The following PPP1CB variants were observed in gnomAD, a reference collection of about 807,000 sequenced individuals.
PPP1CB encodes the protein protein phosphatase 1 catalytic subunit beta.
A neutral mutation model predicts 43.7 loss-of-function variants in PPP1CB; 2 were observed. The ratio of observed to expected loss-of-function variants is 0.05; its 90% CI spans 0.02 to 0.14. The LOEUF (loss-of-function observed/expected upper bound fraction) is 0.14, where lower values mean the gene tolerates loss of function less well. Among genes scored for constraint, PPP1CB ranks in the 10% least tolerant of loss-of-function variants. PPP1CB has a pLI of 1.00. For missense variants in PPP1CB, 84 were observed against 398.0 expected (o/e 0.21, Z 6.71); for synonymous variants, 136 against 135.6 (o/e 1.00, Z -0.02).
chr2:28,771,854 T>C (rs925518934), intron 1 of PPP1CB, among the ~76,000 whole-genome samples: 4 of 152,166 alleles, frequency 2.6e-5, no homozygotes, highest in East Asian at 1.9e-4. Context: ...CAAAAAAAGA[T>C]TGACTAAGAT....
At chr2:28,797,751 T>A (rs995831318) in intron 7 of PPP1CB, among the ~76,000 whole-genome samples, 15 of 152,188 alleles carry the variant, frequency 9.9e-5, no homozygotes, top group Non-Finnish European at 1.2e-4. Context: ...CTATCTTGTT[T>A]ATTCTTTTGA....
intron 2 of PPP1CB, among the ~76,000 whole-genome samples, chr2:28,777,540 AC>A (rs1424105770): frequency 7.2e-5 from 11 of 152,326 alleles, no homozygotes; most frequent in African/African-American, 2.4e-4. Flanking sequence ...TGAAGATTAT[AC>A]TACTTTATAC....
Position 28,776,841 on chromosome 2 carries a change from C to T in PPP1CB, c.53-10C>T, listed in dbSNP as rs1360665709. The T allele has an allele frequency of 1.0e-5, 16 of 1,585,680 alleles. No individual in the cohort carries two copies. Among genetic ancestry groups the T allele is most frequent in the Admixed American group, 1.7e-5 (1 of 58,594 alleles). On this transcript the variant is annotated splice_polypyrimidine_tract_variant and intron_variant, in intron 1 of 7. Coordinates refer to ENST00000395366, the MANE Select transcript of PPP1CB (RefSeq NM_002709.3). Reference sequence around the variant, plus strand: ...TTAGAAAACTGACTGTTTTATTTATCGTTTGTCAGTACGAGGATGTCGTCC... The same window carrying T: ...TTAGAAAACTGACTGTTTTATTTATTGTTTGTCAGTACGAGGATGTCGTCC...
intron 7 of PPP1CB, among the ~76,000 whole-genome samples, chr2:28,798,895 C>A (rs969034136): frequency 6.6e-6 from 1 of 152,004 alleles, no homozygotes; most frequent in African/African-American, 2.4e-5. Context: ...CAACATAGAT[C>A]TTCTGACTCT....
intron 1 of PPP1CB, among the ~76,000 whole-genome samples, chr2:28,772,115 G>C (rs116412023): frequency 7.9e-5 from 12 of 152,036 alleles, no homozygotes; most frequent in Non-Finnish European, 1.5e-4. Flanking sequence ...TTAGGAGTTC[G>C]AGATGAGCCT....
intron 1 of PPP1CB, among the ~76,000 whole-genome samples, chr2:28,760,837 G>T (rs1193039953): frequency 6.6e-6 from 1 of 152,180 alleles, no homozygotes; most frequent in Non-Finnish European, 1.5e-5. Flanking sequence ...AATGTGGTTT[G>T]AATTGAGCGT....
In PPP1CB at chr2:28,778,791, G is replaced by T. The variant is rs754229094; in HGVS notation, c.185-18G>T. The stretch of plus-strand genomic sequence containing the variant: ...AACAGTAACCAATTTTTCTAAAACT[G>T]ACTCTTTCTCTTTTTAGGAGATATT... On this transcript the variant is annotated intron_variant, in intron 2 of 7. Coordinates refer to ENST00000395366, the MANE Select transcript of PPP1CB (RefSeq NM_002709.3). 6.6e-7 allele frequency: 1 copy of T among 1,512,894 alleles called. No individual in the cohort carries two copies. The highest frequency in any genetic ancestry group is 1.1e-5 in the South Asian group (1 of 88,052). 93.7% of individuals were successfully genotyped at this position (1,512,894 alleles called of 1,614,324 possible).
Position 28,788,827 on chromosome 2 carries a change from C to CT in PPP1CB, c.744+20dup, listed in dbSNP as rs755362893. 24 of 1,567,046 alleles carry CT rather than the reference C, an allele frequency of 1.5e-5. No individual in the cohort carries two copies. The highest frequency in any genetic ancestry group is 2.1e-5 in the Admixed American group (1 of 46,742). ...CTCATCAGGTATGAAATATAAAACTCTTAAGCTTTTTCTTTTTTCTTTCTT... is the reference window on the plus strand; with the variant it reads ...CTCATCAGGTATGAAATATAAAACTCTTTAAGCTTTTTCTTTTTTCTTTCTT... On this transcript the variant is annotated intron_variant, in intron 6 of 7. Transcript: ENST00000395366.
intron 1 of PPP1CB, among the ~76,000 whole-genome samples, chr2:28,763,199 A>G (rs1402135580): frequency 6.6e-6 from 1 of 152,192 alleles, no homozygotes; most frequent in Non-Finnish European, 1.5e-5. Flanking sequence ...GGGCATTTCC[A>G]TTTTATCATG....
chr2:28,756,672 C>T (rs1026761944), intron 1 of PPP1CB, among the ~76,000 whole-genome samples: 9 of 152,058 alleles, frequency 5.9e-5, no homozygotes, highest in African/African-American at 2.2e-4. Context: ...TTGGTAGAGA[C>T]GGGGTCTCCC....
intron 3 of PPP1CB, 116 bp downstream of exon 3, chr2:28,779,155 A>G: frequency 1.4e-6 from 1 of 727,736 alleles, no homozygotes; most frequent in Non-Finnish European, 2.2e-6. Context: ...TGTCAGGCAT[A>G]GGCCAGGAAG....
rs553816863 is a variant in PPP1CB at position 28,770,148 on chromosome 2, A to G, written c.53-6703A>G. On this transcript the variant is annotated intron_variant, in intron 1 of 7. Coordinates refer to ENST00000395366, the MANE Select transcript of PPP1CB (RefSeq NM_002709.3). ...GCTGGGCGTGGGTGCCTGTAATCCC[A>G]GCTACTCAGGAGGCTGAGGCAGGAG... is the stretch of plus-strand genomic sequence containing the variant. Among the ~76,000 whole-genome samples, 26 of 152,218 alleles carry G rather than the reference A, an allele frequency of 1.7e-4. No homozygotes were observed. In the East Asian group the frequency reaches 4.4e-3, roughly 26 times the overall value.
At chr2:28,777,168 C>A in intron 2 of PPP1CB, 186 bp downstream of exon 2, 1 of 476,142 alleles carries the variant, frequency 2.1e-6, no homozygotes, top group Non-Finnish European at 3.6e-6. Context: ...AAAATACTTG[C>A]TATATATCAA....
At chr2:28,766,781 G>A (rs753146654) in intron 1 of PPP1CB, among the ~76,000 whole-genome samples, 4 of 152,096 alleles carry the variant, frequency 2.6e-5, no homozygotes, top group African/African-American at 7.2e-5. Flanking sequence ...GGCTAATGGC[G>A]TTTAAAAGTT....
intron 7 of PPP1CB, among the ~76,000 whole-genome samples, chr2:28,794,943 T>C (rs1488895357): frequency 1.3e-5 from 2 of 152,138 alleles, no homozygotes; most frequent in Non-Finnish European, 2.9e-5. Context: ...GTATGAATGA[T>C]CTTATCTCCC....
intron 6 of PPP1CB, among the ~76,000 whole-genome samples, chr2:28,791,329 T>C (rs1667379604): frequency 1.3e-5 from 2 of 151,970 alleles, no homozygotes; most frequent in Admixed American, 1.3e-4. Flanking sequence ...TTTTTTGTTG[T>C]TGTTGTTTGT....
At chr2:28,761,235 GAA>G (rs1330579998) in intron 1 of PPP1CB, among the ~76,000 whole-genome samples, 1 of 152,134 alleles carries the variant, frequency 6.6e-6, no homozygotes, top group Non-Finnish European at 1.5e-5. Context: ...CTGTCAGTGA[GAA>G]AGAGTGAGGT....
intron 5 of PPP1CB, 97 bp downstream of exon 5, chr2:28,784,075 TAA>T (rs1667211317): frequency 4.6e-6 from 4 of 877,880 alleles, no homozygotes; most frequent in Admixed American, 4.8e-5. Flanking sequence ...ATGTAATAAA[TAA>T]AAGAGCTTTT....
At chr2:28,794,020 T>G (rs377350432) in intron 7 of PPP1CB, 23 bp downstream of exon 7, 1 of 1,560,472 alleles carries the variant, frequency 6.4e-7, no homozygotes, top group African/African-American at 1.4e-5. Flanking sequence ...CATAAATATA[T>G]AAGAACTAGA....
Sources: gnomAD v4.1 joint callset for allele counts (sites outside exome capture counted in the v4.1 genomes callset) on GRCh38, gnomAD v4.1.1 for gene constraint, MANE v1.5 for transcripts, NCBI Gene and HGNC (gene_info 2026-07-23, HGNC 2026-07-21) for gene names.